BHMT2: variants seen among roughly 807,000 people sequenced by gnomAD.
BHMT2 encodes S-methylmethionine--homocysteine S-methyltransferase BHMT2.
A neutral mutation model predicts 39.0 loss-of-function variants in BHMT2; 28 were observed. The observed-to-expected ratio is 0.72, with a 90% CI of 0.53 to 0.98. The LOEUF (loss-of-function observed/expected upper bound fraction) is 0.98. Ranked by LOEUF, BHMT2 falls within the 50% of genes least tolerant of loss-of-function variation. BHMT2 has a pLI of 0.00. For synonymous variants in BHMT2, 145 were observed against 160.6 expected (o/e 0.90, Z 0.74); for missense variants, 410 against 455.6 (o/e 0.90, Z 0.91).
intron 4 of BHMT2, among the ~76,000 whole-genome samples, chr5:79,081,236 T>G (rs1264202726): frequency 2.6e-5 from 4 of 152,116 alleles, no homozygotes; most frequent in Non-Finnish European, 5.9e-5. Context: ...GCACTGCATG[T>G]GTGGGCTGGG....
intron 3 of BHMT2, 59 bp downstream of exon 3, chr5:79,079,519 A>G (rs1755743375): frequency 8.7e-7 from 1 of 1,155,200 alleles, no homozygotes; most frequent in Admixed American, 1.9e-5. Context: ...TAACCTCTTC[A>G]TGGGAAGCTA....
At chr5:79,079,833 T>C (rs1755752415) in intron 3 of BHMT2, among the ~76,000 whole-genome samples, 1 of 151,736 alleles carries the variant, frequency 6.6e-6, no homozygotes, top group Admixed American at 6.6e-5. Context: ...GAGATAGCAT[T>C]GAGCCGAGAT....
intron 3 of BHMT2, among the ~76,000 whole-genome samples, chr5:79,080,270 A>G (rs965239285): frequency 6.6e-6 from 1 of 152,230 alleles, no homozygotes; most frequent in African/African-American, 2.4e-5. Flanking sequence ...AAGAGTAAGT[A>G]AGACCAAGGA....
chr5:79,082,976 T>C lies in BHMT2; in HGVS notation c.598+20T>C. 1 of 1,613,884 alleles carries C rather than the reference T, an allele frequency of 6.2e-7. No individual in the cohort carries two copies. The highest frequency in any genetic ancestry group is 8.5e-7 in the Non-Finnish European group (1 of 1,179,894). ...AGGCAGGTAATTTGGACCCATACCG[T>C]GATACACAGCTCAGTTGTTGCTTAC... On this transcript the variant is annotated intron_variant, in intron 5 of 7. Coordinates refer to ENST00000255192, the MANE Select transcript of BHMT2 (RefSeq NM_017614.5).
chr5:79,089,096 A>G lies in BHMT2; in HGVS notation c.*522A>G, dbSNP rs1290624413. On this transcript the variant is annotated 3_prime_UTR_variant, in exon 8 of 8. Transcript: ENST00000255192. ...AAAGAATGTTTTGAGCAATGGTAGCATTATTGAAATAAATGTTTAACTATC... is the reference window on the plus strand; with the variant it reads ...AAAGAATGTTTTGAGCAATGGTAGCGTTATTGAAATAAATGTTTAACTATC... The G allele has an allele frequency of 6.6e-6, 1 of 152,356 alleles. No individual in the cohort carries two copies. The highest frequency in any genetic ancestry group is 1.5e-5 in the Non-Finnish European group (1 of 68,138). The allele number at this position is 152,356 out of a possible 1,614,324, so 9.4% of individuals were successfully genotyped here.
At chr5:79,081,116 G>A (rs1270700860) in intron 4 of BHMT2, among the ~76,000 whole-genome samples, 1 of 152,182 alleles carries the variant, frequency 6.6e-6, no homozygotes, top group African/African-American at 2.4e-5. Flanking sequence ...TATCTTCTAA[G>A]GTCTGGGTGG....
chr5:79,073,859 C>A (rs1755625056), intron 1 of BHMT2, among the ~76,000 whole-genome samples: 1 of 152,172 alleles, frequency 6.6e-6, no homozygotes, highest in African/African-American at 2.4e-5. Context: ...GACCTTCTTG[C>A]ACTGCAGAGG....
intron 7 of BHMT2, among the ~76,000 whole-genome samples, chr5:79,086,996 GTA>G (rs1755907661): frequency 6.5e-5 from 7 of 107,520 alleles, no homozygotes; most frequent in South Asian, 3.1e-4. Context: ...TTTTGTGTAT[GTA>G]TGTGTGTGTG....
chr5:79,081,791 C>T (rs181170834), intron 4 of BHMT2, among the ~76,000 whole-genome samples: 1 of 152,110 alleles, frequency 6.6e-6, no homozygotes, highest in East Asian at 1.9e-4. Context: ...ACCTGGGAGG[C>T]GGAGGTTGCA....
chr5:79,072,274 A>G (rs939338059), intron 1 of BHMT2, among the ~76,000 whole-genome samples: 12 of 152,174 alleles, frequency 7.9e-5, no homozygotes, highest in African/African-American at 2.9e-4. Context: ...TCTCAAAAAA[A>G]AAAAGAAAGA....
Position 79,072,911 on chromosome 5 carries a change from A to G in BHMT2, c.33+3096A>G, listed in dbSNP as rs1370910385. ...GGGAGGTGAGAAGCTAACCTACAAC[A>G]TCTGAATTCTGTGCCAATGTTTTCC... On this transcript the variant is annotated intron_variant, in intron 1 of 7. Coordinates refer to ENST00000255192, the MANE Select transcript of BHMT2 (RefSeq NM_017614.5). 2.6e-5 allele frequency among the ~76,000 whole-genome samples: 4 copies of G among 151,628 alleles called. No homozygotes were observed. The South Asian group carries it at 6.3e-4, about 24-fold the overall frequency.
rs759479503 is a variant in BHMT2, at chr5:79,083,326, C to T, written c.733C>T (p.Pro245Ser). 3 of 1,610,898 alleles carry T rather than the reference C, an allele frequency of 1.9e-6. No homozygotes were observed. The highest frequency in any genetic ancestry group is 2.5e-6 in the Non-Finnish European group (3 of 1,177,818). The part of the protein sequence containing the change: ...LMVQPLGFHA[P>S]DCGKEGFVDL... ...GGTGCAGCCTCTGGGGTTCCACGCG[C>T]CTGACTGTGGCAAAGAGGGGTTTGT... The change falls in exon 6 of 8, where the codon CCT (proline) becomes TCT (serine). Residue 245 changes from proline to serine, a missense_variant. Pro to Ser is a moderately conservative substitution (Grantham distance 74). Transcript: ENST00000255192.
At position 79,071,952 on chromosome 5, in the gene BHMT2, T is replaced by G. The variant is rs1315826698; in HGVS notation, c.33+2137T>G. 2.0e-5 allele frequency among the ~76,000 whole-genome samples: 3 copies of G among 152,058 alleles called. No homozygotes were observed. The East Asian group carries it at 5.8e-4, about 29-fold the overall frequency. On this transcript the variant is annotated intron_variant, in intron 1 of 7. Transcript: ENST00000255192. ...TCTCAAATCTTGATAACTTAGTTAT[T>G]TTGCTAATGGCTATGTAGAAAAATG...
chr5:79,074,716 A>T (rs1208710353), intron 1 of BHMT2, among the ~76,000 whole-genome samples: 1 of 152,168 alleles, frequency 6.6e-6, no homozygotes, highest in Non-Finnish European at 1.5e-5. Context: ...TTTCTCTCCA[A>T]AATCTGTTCC....
rs1755899207 is a variant in BHMT2, at chr5:79,086,514, T to C, written c.1011-1979T>C. 1.3e-5 allele frequency among the ~76,000 whole-genome samples: 2 copies of C among 152,166 alleles called. 1 individual carries two copies. Among genetic ancestry groups the C allele is most frequent in the South Asian group, 4.1e-4 (2 of 4,830 alleles). ...ATCTAATACTCTGTTGCAGGAATAA[T>C]AGAAAATTGTTGCATTTAGAAAAAC... On this transcript the variant is annotated intron_variant, in intron 7 of 7. Coordinates refer to ENST00000255192, the MANE Select transcript of BHMT2 (RefSeq NM_017614.5).
chr5:79,074,129 G>A (rs568117958), intron 1 of BHMT2, among the ~76,000 whole-genome samples: 8 of 152,206 alleles, frequency 5.3e-5, no homozygotes, highest in African/African-American at 9.6e-5. Context: ...AGCCCCAGCC[G>A]GCCAATTCAG....
Position 79,082,865 on chromosome 5 carries a change from T to C in BHMT2, c.507T>C (p.Asp169=), listed in dbSNP as rs1420831249. The change falls in exon 5 of 8, where the codon GAT becomes GAC. Residue 169 remains aspartate (D), a synonymous_variant. Coordinates refer to ENST00000255192, the MANE Select transcript of BHMT2 (RefSeq NM_017614.5). ...CTGTGGAAGTCTTAAAAGAATCAGATAGACCCGTGGCAGTTACCATGTGCA... is the reference window on the plus strand; with the variant it reads ...CTGTGGAAGTCTTAAAAGAATCAGACAGACCCGTGGCAGTTACCATGTGCA... ...VWAVEVLKES[D]RPVAVTMCIG... is the part of the protein sequence containing the mutation. 6.2e-7 allele frequency: 1 copy of C among 1,614,146 alleles called. No individual in the cohort carries two copies. Among genetic ancestry groups the C allele is most frequent in the Admixed American group, 1.7e-5 (1 of 60,008 alleles).
At chr5:79,087,886 T>C (rs933913542) in intron 7 of BHMT2, among the ~76,000 whole-genome samples, 1 of 152,142 alleles carries the variant, frequency 6.6e-6, no homozygotes, top group South Asian at 2.1e-4. Context: ...CATAAAAGTA[T>C]GTGAAATGTA....
chr5:79,086,010 T>C (rs534283766), intron 7 of BHMT2, among the ~76,000 whole-genome samples: 21 of 152,218 alleles, frequency 1.4e-4, no homozygotes, highest in Non-Finnish European at 2.6e-4. Context: ...GGCAGATCTT[T>C]GTGAGCACGC....
Sources: allele counts gnomAD v4.1 joint callset (sites outside exome capture counted in the v4.1 genomes callset), GRCh38; gene constraint gnomAD v4.1.1; transcripts MANE v1.5; gene names NCBI Gene and HGNC (gene_info 2026-07-23, HGNC 2026-07-21).